Variants in LRRC7 observed in about 807,000 individuals in gnomAD.
LRRC7 encodes leucine rich repeat containing 7, also known as leucine-rich repeat-containing protein 7.
A neutral mutation model predicts 175.7 loss-of-function variants in LRRC7; 23 were observed. The ratio of observed to expected loss-of-function variants is 0.13; its 90% confidence interval spans 0.09 to 0.19. LRRC7 has a LOEUF of 0.19. LRRC7 is among the 10% of genes least tolerant of loss of function. The pLI, the probability that LRRC7 is intolerant of heterozygous loss-of-function variation, is 1.00. For synonymous variants in LRRC7, 685 were observed against 680.9 expected (o/e 1.01, Z -0.09); for missense variants, 1,354 against 1,904.7 (o/e 0.71, Z 5.38).
At chr1:69,702,708 C>A (rs1465211959) in intron 2 of LRRC7, among the ~76,000 whole-genome samples, 1 of 151,752 alleles carries the variant, frequency 6.6e-6, no homozygotes. Context: ...AGAGGGGGAC[C>A]TAAAAGACAA....
chr1:69,943,985 CACAA>C (rs1250811163), intron 8 of LRRC7, among the ~76,000 whole-genome samples: 1 of 139,128 alleles, frequency 7.2e-6, no homozygotes, highest in African/African-American at 2.6e-5. Context: ...CACACACACA[CACAA>C]CATGAGATTT....
rs887712278 is a variant in LRRC7 at position 70,091,010 on chromosome 1, A to G, written c.4545+1191A>G. ...AAGAATTGGTCGCATGATTATATAC[A>G]TTAGGAATGAAGAGACCAGAGGAAA... is the stretch of plus-strand genomic sequence containing the variant. On this transcript the variant is annotated intron_variant, in intron 25 of 26. Coordinates refer to ENST00000651989, the MANE Select transcript of LRRC7 (RefSeq NM_001370785.2). Among the ~76,000 whole-genome samples, 8 of 152,240 alleles carry G rather than the reference A, an allele frequency of 5.3e-5. No individual in the cohort carries two copies. In the South Asian group the frequency reaches 1.4e-3, roughly 28 times the overall value.
chr1:69,825,327 C>G (rs534298753), intron 4 of LRRC7, among the ~76,000 whole-genome samples: 1 of 152,160 alleles, frequency 6.6e-6, no homozygotes, highest in South Asian at 2.1e-4. Context: ...CCTTCCTAAC[C>G]TTATAAAATG....
chr1:70,121,751 AT>A, intron 26 of LRRC7, 28 bp from the exon 27 acceptor site: 3 of 1,395,356 alleles, frequency 2.1e-6, no homozygotes, highest in African/African-American at 1.4e-5. Flanking sequence ...GTTTACATTG[AT>A]TGCCCTGTTT....
At chr1:69,976,859 C>G (rs1445030332) in intron 8 of LRRC7, among the ~76,000 whole-genome samples, 2 of 141,044 alleles carry the variant, frequency 1.4e-5, no homozygotes, top group Non-Finnish European at 3.2e-5. Context: ...TGAGTTTCTA[C>G]TTCCGTGATA....
chr1:70,068,141 A>C (rs973730303), intron 23 of LRRC7, among the ~76,000 whole-genome samples: 14 of 152,086 alleles, frequency 9.2e-5, no homozygotes, highest in African/African-American at 2.9e-4. Context: ...TTTCAGCACT[A>C]TGCTGAATAA....
At chr1:69,580,976 G>A (rs1646176789) in intron 1 of LRRC7, among the ~76,000 whole-genome samples, 1 of 152,092 alleles carries the variant, frequency 6.6e-6, no homozygotes, top group Admixed American at 6.6e-5. Flanking sequence ...TAGGAGTAAT[G>A]GCAAATGCAA....
intron 2 of LRRC7, among the ~76,000 whole-genome samples, chr1:69,694,639 C>A (rs764128335): frequency 7.9e-5 from 12 of 152,190 alleles, no homozygotes; most frequent in Non-Finnish European, 1.6e-4. Flanking sequence ...ATGAGGGTAG[C>A]TCCCTCATGA....
chr1:70,131,455 A>G lies in LRRC7; in HGVS notation c.*9568A>G, dbSNP rs1402650123. Among the ~76,000 whole-genome samples the G allele has an allele frequency of 6.6e-6, 1 of 152,170 alleles. No homozygotes were observed. Among genetic ancestry groups the G allele is most frequent in the Non-Finnish European group, 1.5e-5 (1 of 68,010 alleles). On this transcript the variant is annotated 3_prime_UTR_variant, in exon 27 of 27. Transcript: ENST00000651989. The stretch of plus-strand genomic sequence containing the variant: ...ACAAAACTATTTCCCATGTCTTTCT[A>G]TTTGGGTTTCATAGCTAAGTAACTC...
At chr1:70,015,883 C>G (rs1656921179) in intron 13 of LRRC7, among the ~76,000 whole-genome samples, 1 of 152,070 alleles carries the variant, frequency 6.6e-6, no homozygotes, top group Non-Finnish European at 1.5e-5. Context: ...TGCCCTTTGC[C>G]CTCATGGAGC....
intron 1 of LRRC7, among the ~76,000 whole-genome samples, chr1:69,673,429 G>A (rs2100583215): frequency 6.6e-6 from 1 of 152,310 alleles, no homozygotes; most frequent in East Asian, 1.9e-4. Flanking sequence ...TAGAGCATCT[G>A]TCTCACCTGT....
chr1:69,750,879 G>C (rs1669786691), intron 2 of LRRC7, among the ~76,000 whole-genome samples: 1 of 152,134 alleles, frequency 6.6e-6, no homozygotes, highest in Non-Finnish European at 1.5e-5. Flanking sequence ...ACCACATGGG[G>C]ATTAAGTTTT....
At chr1:69,677,384 G>A (rs899672119) in intron 1 of LRRC7, among the ~76,000 whole-genome samples, 5 of 151,628 alleles carry the variant, frequency 3.3e-5, no homozygotes, top group Admixed American at 6.6e-5. Context: ...ATAAACATAT[G>A]AGTGCAGGTG....
intron 8 of LRRC7, among the ~76,000 whole-genome samples, chr1:69,969,141 A>C (rs1399361643): frequency 6.6e-6 from 1 of 152,058 alleles, no homozygotes; most frequent in African/African-American, 2.4e-5. Flanking sequence ...TCTTGAAACA[A>C]ATCTTGGAAA....
chr1:69,594,246 C>G (rs769823665), intron 1 of LRRC7, among the ~76,000 whole-genome samples: 1 of 152,138 alleles, frequency 6.6e-6, no homozygotes, highest in Non-Finnish European at 1.5e-5. Context: ...GTACGCCGCT[C>G]TTTATCCCCT....
intron 4 of LRRC7, among the ~76,000 whole-genome samples, chr1:69,820,848 A>G (rs922273153): frequency 5.3e-5 from 8 of 152,206 alleles, no homozygotes; most frequent in Non-Finnish European, 1.0e-4. Flanking sequence ...TTATAGTAGA[A>G]TGATTTATAA....
chr1:69,703,410 G>A (rs1036807945), intron 2 of LRRC7, among the ~76,000 whole-genome samples: 3 of 151,202 alleles, frequency 2.0e-5, no homozygotes, highest in African/African-American at 7.3e-5. Context: ...TAAATTTTTA[G>A]ATTTCCTAGA....
intron 3 of LRRC7, among the ~76,000 whole-genome samples, chr1:69,777,082 T>C (rs1200552895): frequency 6.6e-6 from 1 of 152,108 alleles, no homozygotes; most frequent in Non-Finnish European, 1.5e-5. Context: ...TTGTAGTATA[T>C]GTTTATTCAT....
rs1339136738 is a variant in LRRC7, at chr1:70,137,584, A to ATAGAC, written c.*15698_*15702dup. On this transcript the variant is annotated 3_prime_UTR_variant, in exon 27 of 27. Transcript: ENST00000651989. ...GGGTTGCTTTGTGTTTAAGTACCTA[A>ATAGAC]TAGACCCACCAGAGTTCAGTAAGAA... Among the ~76,000 whole-genome samples, 3 of 152,228 alleles carry ATAGAC rather than the reference A, an allele frequency of 2.0e-5. No homozygotes were observed. Among genetic ancestry groups the ATAGAC allele is most frequent in the African/African-American group, 7.2e-5 (3 of 41,464 alleles).
Sources: allele counts gnomAD v4.1 joint callset (sites outside exome capture counted in the v4.1 genomes callset), GRCh38; gene constraint gnomAD v4.1.1; transcripts MANE v1.5; gene names NCBI Gene and HGNC (gene_info 2026-07-23, HGNC 2026-07-21).